The following SLC12A7 variants were observed in gnomAD, a reference collection of about 807,000 sequenced individuals.
SLC12A7 encodes solute carrier family 12 member 7.
SLC12A7 carries 100 observed loss-of-function variants against 120.6 expected under a neutral mutation model. That is an observed-to-expected ratio of 0.83 (90% CI 0.71 to 0.98). The LOEUF (loss-of-function observed/expected upper bound fraction) is 0.98. Ranked by LOEUF, SLC12A7 falls within the 50% of genes least tolerant of loss-of-function variation. The pLI is 0.00. For missense variants in SLC12A7, 1,373 were observed against 1,548.1 expected (o/e 0.89, Z 1.90); for synonymous variants, 760 against 678.0 (o/e 1.12, Z -1.88).
Position 1,085,487 on chromosome 5 carries a change from G to A in SLC12A7, c.676-14C>T. The A allele has an allele frequency of 3.1e-6, 5 of 1,592,484 alleles. No homozygotes were observed. The highest frequency in any genetic ancestry group is 4.3e-6 in the Non-Finnish European group (5 of 1,169,460). ...GGAGATGTACGTCTGTGGGAACAAG[G>A]CCGGTCGGGAGGCCGTCCCCGGACA... is the stretch of plus-strand genomic sequence containing the variant. On this transcript the variant is annotated splice_polypyrimidine_tract_variant and intron_variant, in intron 6 of 23. Coordinates refer to ENST00000264930, the MANE Select transcript of SLC12A7 (RefSeq NM_006598.3).
rs115389597 is a variant in SLC12A7 at position 1,075,771 on chromosome 5, G to A, written c.1848-281C>T. ...TGTGCATGCAACAAGGGGCTGAAGCGTCCACCCAGCGCCTGATTCCTGGGG... is the reference window on the plus strand; with the variant it reads ...TGTGCATGCAACAAGGGGCTGAAGCATCCACCCAGCGCCTGATTCCTGGGG... On this transcript the variant is annotated intron_variant, in intron 14 of 23. Coordinates refer to ENST00000264930, the MANE Select transcript of SLC12A7 (RefSeq NM_006598.3). 5.5e-3 allele frequency: 2,765 copies of A among 507,128 alleles called. 44 individuals are homozygous for A. Among genetic ancestry groups the A allele is most frequent in the African/African-American group, 0.033 (1,732 of 52,306 alleles). The allele number at this position is 507,128 out of a possible 1,614,324, so 31.4% of individuals were successfully genotyped here. A position where few individuals can be genotyped will look rare whatever the true frequency, so the allele number is the denominator to read the frequency against.
rs371933452 is a variant in SLC12A7 at position 1,075,352 on chromosome 5, G to C, written c.1967+19C>G. 69 of 1,605,662 alleles carry C rather than the reference G, an allele frequency of 4.3e-5. No homozygotes were observed. In the South Asian group the frequency reaches 4.6e-4, roughly 11 times the overall value. On this transcript the variant is annotated intron_variant, in intron 15 of 23. Coordinates refer to ENST00000264930, the MANE Select transcript of SLC12A7 (RefSeq NM_006598.3). ...CCCTCCCGTGCGCCGGGTCTGTAAG[G>C]GGGGCTGACAGCGCTTACCCGCGGT...
chr5:1,063,812 C>T (rs765865766), intron 20 of SLC12A7, 32 bp downstream of exon 20: 6 of 1,213,364 alleles, frequency 4.9e-6, no homozygotes, highest in East Asian at 2.7e-5. Context: ...CACCTCCCCC[C>T]GGCCTCCTCC....
the SLC12A7 span, among the ~76,000 whole-genome samples, chr5:1,148,743 A>G: frequency 2.6e-5 from 4 of 152,206 alleles, no homozygotes; most frequent in Non-Finnish European, 4.4e-5. Flanking sequence ...GGGTTCCCTC[A>G]GGTTCCTTGT....
rs71593129 is a variant in SLC12A7 at position 1,082,843 on chromosome 5, C to T, written c.1129+902G>A. 9.0e-4 allele frequency among the ~76,000 whole-genome samples: 125 copies of T among 139,158 alleles called. 1 individual carries two copies. The highest frequency in any genetic ancestry group is 3.0e-3 in the African/African-American group (109 of 36,910). The allele number at this position is 139,158 out of a possible 152,430, so 91.3% of individuals were successfully genotyped here. A position where few individuals can be genotyped will look rare whatever the true frequency, so the allele number is the denominator to read the frequency against. On this transcript the variant is annotated intron_variant, in intron 8 of 23. Transcript: ENST00000264930. ...GCTTCCCGTCTTGGGTTCTGGAAAG[C>T]CTGGGCTTCCCGTCTCGGGTTCTGG...
intron 3 of SLC12A7, 89 bp downstream of exon 3, chr5:1,093,444 T>C: frequency 1.5e-6 from 2 of 1,353,902 alleles, no homozygotes; most frequent in Non-Finnish European, 2.0e-6. Flanking sequence ...GGGCAGCTCT[T>C]CTGACAAGCA....
intron 18 of SLC12A7, 31 bp downstream of exon 18, chr5:1,065,252 G>T: frequency 6.7e-7 from 1 of 1,499,242 alleles, no homozygotes; most frequent in Admixed American, 1.9e-5. Context: ...GGACGGTGAG[G>T]GGATGCCGAA....
chr5:1,139,536 A>G, the SLC12A7 span, among the ~76,000 whole-genome samples: 1 of 152,246 alleles, frequency 6.6e-6, no homozygotes, highest in Non-Finnish European at 1.5e-5. Flanking sequence ...ATGGTGCCAC[A>G]TGCCGGAACC....
At chr5:1,141,921 A>C in the SLC12A7 span, among the ~76,000 whole-genome samples, 1 of 152,218 alleles carries the variant, frequency 6.6e-6, no homozygotes, top group Non-Finnish European at 1.5e-5. Flanking sequence ...TGCTGCTGGC[A>C]GGATCAGACC....
At position 1,086,891 on chromosome 5, in the gene SLC12A7, C is replaced by T; in HGVS notation, c.675+12G>A. 1 of 1,612,068 alleles carries T rather than the reference C, an allele frequency of 6.2e-7. No individual in the cohort carries two copies. The highest frequency in any genetic ancestry group is 8.5e-7 in the Non-Finnish European group (1 of 1,179,348). ...CTGTGGGGTGGGAACCCTTCCAAAG[C>T]AGCACACTTACCAGAAAAATCTCGA... On this transcript the variant is annotated intron_variant, in intron 6 of 23. Transcript: ENST00000264930.
intron 1 of SLC12A7, among the ~76,000 whole-genome samples, chr5:1,105,383 G>A (rs1361058835): frequency 4.7e-5 from 7 of 148,704 alleles, no homozygotes; most frequent in African/African-American, 7.5e-5. Context: ...ATGAGGTCCT[G>A]CAGTCGCCCA....
At chr5:1,068,167 G>A (rs1737258680) in intron 17 of SLC12A7, among the ~76,000 whole-genome samples, 1 of 152,232 alleles carries the variant, frequency 6.6e-6, no homozygotes, top group African/African-American at 2.4e-5. Flanking sequence ...GGCTGCCGTG[G>A]CTCACACCTG....
At chr5:1,077,718 T>C (rs1203938813) in intron 12 of SLC12A7, 115 bp downstream of exon 12, 5 of 1,126,238 alleles carry the variant, frequency 4.4e-6, no homozygotes, top group South Asian at 1.7e-5. Context: ...ATGACCACCA[T>C]GGGGTCCAAG....
At chr5:1,137,042 C>G in the SLC12A7 span, among the ~76,000 whole-genome samples, 1 of 151,938 alleles carries the variant, frequency 6.6e-6, no homozygotes, top group Non-Finnish European at 1.5e-5. Flanking sequence ...CTCACACACT[C>G]CAACACCAGG....
chr5:1,155,790 GGGCGCTGGCTGTCGCCTTCCTT>G, the SLC12A7 span, among the ~76,000 whole-genome samples: 7 of 150,850 alleles, frequency 4.6e-5, no homozygotes, highest in African/African-American at 1.7e-4. Context: ...GCTCGGGGTG[GGGCGCTGGCTGTCGCCTTCCTT>G]GGCCCCGGGC....
rs1039036445 is a variant in SLC12A7 at position 1,083,648 on chromosome 5, G to A, written c.1129+97C>T. 1.7e-5 allele frequency: 21 copies of A among 1,271,780 alleles called. 1 individual carries two copies. In the Admixed American group the frequency reaches 3.9e-4, roughly 23 times the overall value. 78.8% of individuals were successfully genotyped at this position (1,271,780 alleles called of 1,614,324 possible). ...GGCTCGGCCAGGCAGGAGGAATTGG[G>A]GCCCTGAGAGTGACTCTAAGGCGAG... On this transcript the variant is annotated intron_variant, in intron 8 of 23. Transcript: ENST00000264930.
chr5:1,074,451 T>C (rs1738091973), intron 16 of SLC12A7, 116 bp downstream of exon 16: 1 of 948,064 alleles, frequency 1.1e-6, no homozygotes, highest in Non-Finnish European at 1.6e-6. Context: ...CCCCAGACCT[T>C]GCCTGAGCGG....
At chr5:1,099,293 C>T (rs1741737040) in intron 1 of SLC12A7, among the ~76,000 whole-genome samples, 1 of 151,986 alleles carries the variant, frequency 6.6e-6, no homozygotes, top group Admixed American at 6.5e-5. Context: ...ACCCGGTCCA[C>T]CTCCTCCGGT....
chr5:1,149,134 G>C, the SLC12A7 span, among the ~76,000 whole-genome samples: 2 of 58,064 alleles, frequency 3.4e-5, no homozygotes, highest in African/African-American at 8.0e-5. Context: ...CTACGATGCC[G>C]CACCCAGAAG....
Sources: gnomAD v4.1 joint callset for allele counts (sites outside exome capture counted in the v4.1 genomes callset) on GRCh38, gnomAD v4.1.1 for gene constraint, MANE v1.5 for transcripts, NCBI Gene and HGNC (gene_info 2026-07-23, HGNC 2026-07-21) for gene names.